The following TTC3 variants were observed in gnomAD, a reference collection of about 807,000 sequenced individuals.
The protein encoded by TTC3 is E3 ubiquitin-protein ligase TTC3.
TTC3 carries 180 observed loss-of-function variants against 249.6 expected under a neutral mutation model. The observed-to-expected ratio is 0.72, with a 90% CI of 0.64 to 0.82. The LOEUF (loss-of-function observed/expected upper bound fraction) is 0.82, where lower values mean the gene tolerates loss of function less well. TTC3 is among the 40% of genes least tolerant of loss of function. The pLI is 0.00. For missense variants in TTC3, 2,061 were observed against 2,398.4 expected (o/e 0.86, Z 2.94); for synonymous variants, 717 against 805.0 (o/e 0.89, Z 1.85).
intron 21 of TTC3, among the ~76,000 whole-genome samples, chr21:37,147,153 G>T (rs2079049978): frequency 6.6e-6 from 1 of 152,128 alleles, no homozygotes; most frequent in Admixed American, 6.5e-5. Flanking sequence ...TGCCTTACTT[G>T]ACTTCCTCTT....
chr21:37,149,649 G>C (rs186011426), intron 23 of TTC3, among the ~76,000 whole-genome samples: 1 of 152,150 alleles, frequency 6.6e-6, no homozygotes, highest in East Asian at 1.9e-4. Context: ...GACTTGTCCT[G>C]CAGTTCTGCA....
chr21:37,114,129 C>T (rs1345193953), intron 11 of TTC3, among the ~76,000 whole-genome samples: 1 of 152,144 alleles, frequency 6.6e-6, no homozygotes, highest in African/African-American at 2.4e-5. Flanking sequence ...TAGGCATGGG[C>T]AAGGACTTCA....
At chr21:37,164,245 A>G (rs755364002) in intron 32 of TTC3, 30 bp downstream of exon 32, 37 of 1,521,906 alleles carry the variant, frequency 2.4e-5, no homozygotes, top group Non-Finnish European at 3.2e-5. Context: ...TACAACCATT[A>G]TTTTATACTA....
At chr21:37,116,656 T>TA (rs1226706990) in intron 11 of TTC3, among the ~76,000 whole-genome samples, 4 of 151,838 alleles carry the variant, frequency 2.6e-5, no homozygotes, top group South Asian at 2.1e-4. Context: ...AAAAAAATTT[T>TA]AAAAAATTAC....
At chr21:37,073,569 G>C in intron 1 of TTC3, 96 bp downstream of exon 1, 1 of 909,144 alleles carries the variant, frequency 1.1e-6, no homozygotes. Flanking sequence ...GGGTGTGGCC[G>C]CCATTGCCTA....
chr21:37,129,097 C>T (rs777116854), intron 16 of TTC3, 34 bp downstream of exon 16: 1 of 1,461,706 alleles, frequency 6.8e-7, no homozygotes, highest in South Asian at 1.3e-5. Context: ...TTTTTTTCCC[C>T]TTAATATACT....
intron 10 of TTC3, among the ~76,000 whole-genome samples, chr21:37,104,328 G>T (rs1185797352): frequency 6.6e-6 from 1 of 152,080 alleles, no homozygotes; most frequent in Non-Finnish European, 1.5e-5. Flanking sequence ...GGTGACTCAC[G>T]CCTGTAATCC....
intron 35 of TTC3, 88 bp downstream of exon 35, chr21:37,172,832 C>G: frequency 1.9e-5 from 27 of 1,458,750 alleles, no homozygotes; most frequent in Non-Finnish European, 2.5e-5. Flanking sequence ...CTCAGCTGAA[C>G]TTCTGCATTG....
chr21:37,133,648 T>C (rs1056663456), intron 17 of TTC3, among the ~76,000 whole-genome samples: 3 of 152,216 alleles, frequency 2.0e-5, no homozygotes, highest in East Asian at 1.9e-4. Flanking sequence ...CACAGTGATA[T>C]GATTTCGGCC....
chr21:37,103,190 C>T (rs1402971652), intron 10 of TTC3, among the ~76,000 whole-genome samples: 2 of 152,130 alleles, frequency 1.3e-5, no homozygotes, highest in African/African-American at 4.8e-5. Flanking sequence ...CTGTTCTTTA[C>T]AAGCATCATC....
At chr21:37,159,576 G>A (rs1435041751) in intron 28 of TTC3, 123 bp from the exon 29 acceptor site, 7 of 1,114,198 alleles carry the variant, frequency 6.3e-6, no homozygotes, top group Non-Finnish European at 8.7e-6. Context: ...TTGTGTCAAA[G>A]CCAAATAAGG....
intron 16 of TTC3, among the ~76,000 whole-genome samples, chr21:37,130,835 AACATCCTTGC>A (rs2077415000): frequency 6.6e-6 from 1 of 151,982 alleles, no homozygotes; most frequent in Non-Finnish European, 1.5e-5. Context: ...CAGTACTTCA[AACATCCTTGC>A]ACATACACCT....
chr21:37,150,668 C>A, intron 24 of TTC3, 152 bp from the exon 25 acceptor site: 1 of 630,558 alleles, frequency 1.6e-6, no homozygotes, highest in Non-Finnish European at 2.8e-6. Flanking sequence ...TTTGCTAAAG[C>A]TTTCTGGGCT....
At chr21:37,074,622 C>G (rs62223586) in intron 1 of TTC3, among the ~76,000 whole-genome samples, 6 of 151,906 alleles carry the variant, frequency 3.9e-5, no homozygotes, top group African/African-American at 1.5e-4. Context: ...CCGGAGAGAG[C>G]CTTTTCCTTA....
At chr21:37,096,685 A>G (rs373456433) in intron 10 of TTC3, 42 bp downstream of exon 10, 103 of 1,454,874 alleles carry the variant, frequency 7.1e-5, no homozygotes, top group Non-Finnish European at 9.1e-5. Context: ...TTATTATGCT[A>G]AATACCCATT....
At chr21:37,158,232 T>A in intron 28 of TTC3, 1 of 984,508 alleles carries the variant, frequency 1.0e-6, no homozygotes, top group Non-Finnish European at 1.2e-6. Context: ...GGGACTGAGC[T>A]TACAAAACCT....
At chr21:37,091,089 A>G (rs2073203676) in intron 6 of TTC3, among the ~76,000 whole-genome samples, 1 of 152,216 alleles carries the variant, frequency 6.6e-6, no homozygotes, top group African/African-American at 2.4e-5. Context: ...CTGAAGAGGT[A>G]ACATATATGA....
intron 24 of TTC3, 119 bp from the exon 25 acceptor site, chr21:37,150,701 C>T (rs1474587723): frequency 1.4e-6 from 1 of 721,338 alleles, no homozygotes; most frequent in African/African-American, 1.8e-5. Flanking sequence ...AGAACATCAT[C>T]ACTGTTCTCT....
chr21:37,122,949 T>G (rs766133976), intron 12 of TTC3, 34 bp from the exon 13 acceptor site: 2 of 1,589,128 alleles, frequency 1.3e-6, no homozygotes, highest in African/African-American at 1.5e-5. Context: ...ATCCATTGAT[T>G]ACTATGTGTG....
Sources: allele counts gnomAD v4.1 joint callset (sites outside exome capture counted in the v4.1 genomes callset), GRCh38; gene constraint gnomAD v4.1.1; transcripts MANE v1.5; gene names NCBI Gene and HGNC (gene_info 2026-07-23, HGNC 2026-07-21).